The following ABCC4 variants were observed in gnomAD, a reference collection of about 807,000 sequenced individuals.
ABCC4 encodes ATP binding cassette subfamily C member 4 (PEL blood group), also known as ATP-binding cassette sub-family C member 4.
In ABCC4, 102 loss-of-function variants were observed where a neutral mutation model predicts 168.5. The ratio of observed to expected loss-of-function variants is 0.61; its 90% CI spans 0.52 to 0.71. The LOEUF is 0.71. Among genes scored for constraint, ABCC4 ranks in the 30% least tolerant of loss-of-function variants. ABCC4 has a pLI of 0.00. For missense variants in ABCC4, 1,402 were observed against 1,605.8 expected, an observed-to-expected ratio of 0.87 and a Z score of 2.17; for synonymous variants, 617 against 590.7, an observed-to-expected ratio of 1.04 and a Z score of -0.65.
At chr13:95,069,315 A>G (rs2033649581) in intron 25 of ABCC4, among the ~76,000 whole-genome samples, 1 of 152,110 alleles carries the variant, frequency 6.6e-6, no homozygotes, top group African/African-American at 2.4e-5. Flanking sequence ...AGACGAATAT[A>G]AAATGCTCCC....
In ABCC4 at chr13:95,282,363, C is replaced by T. The variant is rs573811910; in HGVS notation, c.74+18878G>A. Among the ~76,000 whole-genome samples the T allele has an allele frequency of 2.6e-5, 4 of 152,208 alleles. No homozygotes were observed. The South Asian group carries it at 6.2e-4, about 24-fold the overall frequency. Reference sequence around the variant, plus strand: ...CCCACTGAAGGTGGCTTTGGAAGTGCACCCTTGCAGCACAGCAACCTTCTT... The same window carrying T: ...CCCACTGAAGGTGGCTTTGGAAGTGTACCCTTGCAGCACAGCAACCTTCTT... On this transcript the variant is annotated intron_variant, in intron 1 of 30. Transcript: ENST00000645237.
intron 1 of ABCC4, among the ~76,000 whole-genome samples, chr13:95,250,190 C>T (rs567368183): frequency 6.6e-6 from 1 of 152,284 alleles, no homozygotes; most frequent in South Asian, 2.1e-4. Context: ...ACCAATGTGT[C>T]CCTGAGGGGG....
chr13:95,056,431 A>G (rs2033058046), intron 26 of ABCC4, among the ~76,000 whole-genome samples: 1 of 152,144 alleles, frequency 6.6e-6, no homozygotes, highest in Non-Finnish European at 1.5e-5. Flanking sequence ...AGAAAAGAAC[A>G]TTGTTCACCA....
intron 21 of ABCC4, among the ~76,000 whole-genome samples, chr13:95,082,376 T>C (rs2034125274): frequency 6.6e-6 from 1 of 152,208 alleles, no homozygotes; most frequent in Non-Finnish European, 1.5e-5. Context: ...TGATTAATCA[T>C]AAAATGTCTT....
rs1555324796 is a variant in ABCC4 at position 95,167,205 on chromosome 13, A to AATAC, written c.1825-839_1825-838insGTAT. On this transcript the variant is annotated intron_variant, in intron 14 of 30. Coordinates refer to ENST00000645237, the MANE Select transcript of ABCC4 (RefSeq NM_005845.5). ...AAATAAATAAATAAATAAATAAATA[A>AATAC]ATAAATAAATAAATAATTGCCCCAA... Among the ~76,000 whole-genome samples the AATAC allele has an allele frequency of 5.2e-3, 781 of 151,304 alleles. 43 individuals carry two copies. The highest frequency in any genetic ancestry group is 0.018 in the African/African-American group (726 of 41,094).
intron 4 of ABCC4, among the ~76,000 whole-genome samples, chr13:95,217,411 T>C (rs1278822719): frequency 6.6e-6 from 1 of 152,140 alleles, no homozygotes; most frequent in Non-Finnish European, 1.5e-5. Context: ...ACAGATGTCT[T>C]TCCCCCCTCT....
intron 1 of ABCC4, among the ~76,000 whole-genome samples, chr13:95,253,640 G>C (rs1435663752): frequency 6.6e-6 from 1 of 151,956 alleles, no homozygotes; most frequent in African/African-American, 2.4e-5. Flanking sequence ...AGCTACTCGG[G>C]AGGCTGAGGT....
At chr13:95,223,257 T>C (rs929051722) in intron 4 of ABCC4, among the ~76,000 whole-genome samples, 111 of 152,146 alleles carry the variant, frequency 7.3e-4, no homozygotes, top group African/African-American at 2.3e-3. Flanking sequence ...ATGTCCACAA[T>C]AAAAAACCTT....
chr13:95,221,925 C>A (rs1387117192), intron 4 of ABCC4, among the ~76,000 whole-genome samples: 1 of 152,170 alleles, frequency 6.6e-6, no homozygotes, highest in Non-Finnish European at 1.5e-5. Flanking sequence ...ACCTGTTGTT[C>A]CCTTCGCCAT....
chr13:95,022,853 A>AC (rs1169222800), intron 30 of ABCC4, among the ~76,000 whole-genome samples: 2 of 152,220 alleles, frequency 1.3e-5, no homozygotes, highest in Non-Finnish European at 2.9e-5. Flanking sequence ...CACTTCTTGC[A>AC]CACTTGTTAC....
At chr13:95,178,722 CAG>C (rs2037794762) in intron 11 of ABCC4, among the ~76,000 whole-genome samples, 1 of 152,038 alleles carries the variant, frequency 6.6e-6, no homozygotes, top group Non-Finnish European at 1.5e-5. Flanking sequence ...CAGGGGAGGG[CAG>C]AGACAGAGGC....
intron 1 of ABCC4, among the ~76,000 whole-genome samples, chr13:95,283,148 G>A (rs112495692): frequency 0.012 from 1,763 of 151,112 alleles, 33 homozygotes; most frequent in African/African-American, 0.04. Context: ...CCTGGGAGGC[G>A]GAGGCTGCAG....
intron 4 of ABCC4, among the ~76,000 whole-genome samples, chr13:95,231,470 T>C (rs1177645872): frequency 6.6e-6 from 1 of 152,136 alleles, no homozygotes; most frequent in African/African-American, 2.4e-5. Context: ...GCCAACCTGA[T>C]TTCTGCCAGA....
chr13:95,272,974 C>T (rs112859374), intron 1 of ABCC4, among the ~76,000 whole-genome samples: 1,917 of 152,278 alleles, frequency 0.013, 34 homozygotes, highest in African/African-American at 0.043. Context: ...TACACACACA[C>T]ACACACCCCC....
At chr13:95,129,707 C>T (rs1007398026) in intron 19 of ABCC4, among the ~76,000 whole-genome samples, 9 of 151,964 alleles carry the variant, frequency 5.9e-5, no homozygotes, top group Non-Finnish European at 1.3e-4. Flanking sequence ...AGCTTCCTTC[C>T]CAAATTAAAT....
chr13:95,026,783 G>A (rs994428671), intron 30 of ABCC4, among the ~76,000 whole-genome samples: 1 of 152,102 alleles, frequency 6.6e-6, no homozygotes, highest in Non-Finnish European at 1.5e-5. Context: ...CAGCTTTAAG[G>A]GAGGCTGAGA....
At chr13:95,043,931 G>T (rs2139242540) in intron 28 of ABCC4, 144 bp from the exon 29 acceptor site, 1 of 640,576 alleles carries the variant, frequency 1.6e-6, no homozygotes, top group East Asian at 2.7e-5. Flanking sequence ...AATGTTTTAG[G>T]ACAATCTTAT....
At chr13:95,276,968 G>A (rs956991065) in intron 1 of ABCC4, among the ~76,000 whole-genome samples, 1 of 152,084 alleles carries the variant, frequency 6.6e-6, no homozygotes, top group African/African-American at 2.4e-5. Flanking sequence ...GGAGTTAGCC[G>A]AAGTCGCACC....
intron 30 of ABCC4, among the ~76,000 whole-genome samples, chr13:95,025,352 A>C (rs1286472608): frequency 8.5e-4 from 7 of 8,202 alleles, no homozygotes; most frequent in South Asian, 5.7e-3. Flanking sequence ...ACACACCCAC[A>C]CCCCCACACA....
Sources: allele counts gnomAD v4.1 joint callset (sites outside exome capture counted in the v4.1 genomes callset), GRCh38; gene constraint gnomAD v4.1.1; transcripts MANE v1.5; gene names NCBI Gene and HGNC (gene_info 2026-07-23, HGNC 2026-07-21).